The following TRHDE variants were observed in gnomAD, a reference collection of about 807,000 sequenced individuals.
TRHDE encodes the protein thyrotropin-releasing hormone-degrading ectoenzyme.
TRHDE carries 72 observed loss-of-function variants against 125.7 expected under a neutral mutation model. The ratio of observed to expected loss-of-function variants is 0.57; its 90% CI spans 0.47 to 0.70. TRHDE has a LOEUF of 0.70. TRHDE is among the 30% of genes least tolerant of loss of function. The pLI is 0.00. For synonymous variants in TRHDE, 509 were observed against 509.1 expected (o/e 1.00, Z 0.00); for missense variants, 1,110 against 1,327.1 (o/e 0.84, Z 2.54).
chr12:72,329,431 C>T (rs190885413), intron 2 of TRHDE, among the ~76,000 whole-genome samples: 47 of 152,248 alleles, frequency 3.1e-4, no homozygotes, highest in African/African-American at 1.1e-3. Context: ...GAGATTTACT[C>T]TGATGATAGT....
At chr12:72,174,780 C>T (rs911510141) in intron 2 of TRHDE, among the ~76,000 whole-genome samples, 6 of 152,182 alleles carry the variant, frequency 3.9e-5, no homozygotes, top group African/African-American at 1.4e-4. Flanking sequence ...TGTTAGTTTG[C>T]CTTATTATTG....
At chr12:72,096,729 A>G (rs1471017100) in intron 1 of TRHDE, among the ~76,000 whole-genome samples, 1 of 152,228 alleles carries the variant, frequency 6.6e-6, no homozygotes, top group Non-Finnish European at 1.5e-5. Flanking sequence ...AGCTTAAGCC[A>G]AAATAGCATT....
chr12:72,161,768 G>A (rs1449061272), intron 2 of TRHDE, among the ~76,000 whole-genome samples: 4 of 152,168 alleles, frequency 2.6e-5, no homozygotes, highest in Non-Finnish European at 5.9e-5. Context: ...TTGGTGTGAT[G>A]TCAAATGAAA....
At position 72,445,635 on chromosome 12, in the gene TRHDE, T is replaced by A. The variant is rs1053395203; in HGVS notation, c.1316-24123T>A. Among the ~76,000 whole-genome samples, 4 of 151,734 alleles carry A rather than the reference T, an allele frequency of 2.6e-5. No individual in the cohort carries two copies. In the Admixed American group the frequency reaches 2.6e-4, roughly 10 times the overall value. On this transcript the variant is annotated intron_variant, in intron 3 of 18. Coordinates refer to ENST00000261180, the MANE Select transcript of TRHDE (RefSeq NM_013381.3). Reference sequence around the variant, plus strand: ...TCATCTTAAGCTTTTAAAGGAAGAGTTTTGAGAGGATTTCCACTGATTTAT... The same window carrying A: ...TCATCTTAAGCTTTTAAAGGAAGAGATTTGAGAGGATTTCCACTGATTTAT...
At chr12:72,652,787 T>C (rs1874556953) in intron 16 of TRHDE, among the ~76,000 whole-genome samples, 1 of 151,852 alleles carries the variant, frequency 6.6e-6, no homozygotes, top group Non-Finnish European at 1.5e-5. Context: ...AATTGTGATA[T>C]ATCCTTTCAC....
At chr12:72,422,182 G>T (rs202075387) in intron 3 of TRHDE, among the ~76,000 whole-genome samples, 2 of 151,968 alleles carry the variant, frequency 1.3e-5, no homozygotes, top group African/African-American at 2.4e-5. Flanking sequence ...GGGGTTTTAT[G>T]GTTCTTAGAA....
intron 2 of TRHDE, among the ~76,000 whole-genome samples, chr12:72,314,276 CTCTTT>C (rs10589672): frequency 0.25 from 37,271 of 149,036 alleles, 4,682 homozygotes; most frequent in East Asian, 0.34. Context: ...CTCTCTCTTT[CTCTTT>C]TCTTTTCTTT....
At chr12:72,091,066 G>A (rs1233953405) in intron 1 of TRHDE, among the ~76,000 whole-genome samples, 1 of 152,012 alleles carries the variant, frequency 6.6e-6, no homozygotes, top group Non-Finnish European at 1.5e-5. Flanking sequence ...CAGAGACAGG[G>A]TCTTACTATG....
intron 2 of TRHDE, among the ~76,000 whole-genome samples, chr12:72,212,365 T>C (rs953819905): frequency 4.6e-5 from 7 of 151,944 alleles, no homozygotes; most frequent in South Asian, 2.1e-4. Context: ...AAAAAAAAGA[T>C]AAATTGAACT....
intron 12 of TRHDE, among the ~76,000 whole-genome samples, chr12:72,618,530 A>C (rs1432452705): frequency 6.6e-6 from 1 of 152,160 alleles, no homozygotes; most frequent in East Asian, 1.9e-4. Flanking sequence ...ATACATGGAG[A>C]AACTGAAATT....
At chr12:72,575,461 C>T (rs1870946997) in intron 11 of TRHDE, 26 bp from the exon 12 acceptor site, 3 of 1,613,292 alleles carry the variant, frequency 1.9e-6, no homozygotes, top group Middle Eastern at 1.6e-4. Flanking sequence ...CTAAATTATC[C>T]TATTATTTTT....
intron 15 of TRHDE, among the ~76,000 whole-genome samples, chr12:72,629,473 T>A (rs1873389466): frequency 6.6e-6 from 1 of 151,772 alleles, no homozygotes; most frequent in South Asian, 2.1e-4. Context: ...TATCAAAAGA[T>A]ATATGCCTAT....
upstream of TRHDE, among the ~76,000 whole-genome samples, chr12:72,271,441 C>T (rs1271847878): frequency 6.6e-6 from 1 of 152,040 alleles, no homozygotes; most frequent in African/African-American, 2.4e-5. Flanking sequence ...GCTAAGGAGT[C>T]AGGAAGAGGG....
At chr12:72,158,808 C>T (rs1407572239) in intron 2 of TRHDE, among the ~76,000 whole-genome samples, 2 of 152,156 alleles carry the variant, frequency 1.3e-5, no homozygotes, top group Non-Finnish European at 2.9e-5. Flanking sequence ...TTTCTGACTT[C>T]ATGAACATCT....
intron 2 of TRHDE, among the ~76,000 whole-genome samples, chr12:72,123,671 G>T (rs905229139): frequency 4.0e-5 from 6 of 151,822 alleles, no homozygotes; most frequent in East Asian, 1.9e-4. Flanking sequence ...GTTTATTAAG[G>T]TATAATTTTA....
chr12:72,338,429 A>G (rs1279076174), intron 2 of TRHDE, among the ~76,000 whole-genome samples: 1 of 152,216 alleles, frequency 6.6e-6, no homozygotes, highest in Non-Finnish European at 1.5e-5. Context: ...GACCTTCAGA[A>G]CGTGGGATCA....
In TRHDE at chr12:72,299,746, C is replaced by G. The variant is rs568704809; in HGVS notation, c.1188+12792C>G. ...GTGTCCTCTTTGGGCTTAGCATCAT[C>G]TTAAATGATTTTGTTTTTATGGGAT... On this transcript the variant is annotated intron_variant, in intron 2 of 18. Transcript: ENST00000261180. Among the ~76,000 whole-genome samples the G allele has an allele frequency of 3.3e-5, 5 of 152,200 alleles. 1 individual carries two copies. The South Asian group carries it at 1.0e-3, about 32-fold the overall frequency.
Position 72,286,806 on chromosome 12 carries a change from C to T in TRHDE, c.1040C>T (p.Ser347Phe). 1 of 1,613,786 alleles carries T rather than the reference C, an allele frequency of 6.2e-7. No homozygotes were observed. The highest frequency in any genetic ancestry group is 8.5e-7 in the Non-Finnish European group (1 of 1,179,972). ...IKHQATYLSLSNMPVETSVFE... is the reference protein window; with the variant it reads ...IKHQATYLSLFNMPVETSVFE... Reference sequence around the variant, plus strand: ...CATCAAGCAACCTATTTATCTTTATCTAATATGCCAGTGGAAACTTCCGTG... The same window carrying T: ...CATCAAGCAACCTATTTATCTTTATTTAATATGCCAGTGGAAACTTCCGTG... The change falls in exon 2 of 19, where the codon TCT becomes TTT. Residue 347 changes from serine to phenylalanine, a missense_variant. Coordinates refer to ENST00000261180, the MANE Select transcript of TRHDE (RefSeq NM_013381.3).
chr12:72,417,187 A>T (rs73344407), intron 3 of TRHDE, among the ~76,000 whole-genome samples: 2 of 152,052 alleles, frequency 1.3e-5, no homozygotes, highest in Admixed American at 1.3e-4. Flanking sequence ...AGCATATAGA[A>T]ATTCTATTGC....
Sources: gnomAD v4.1 joint callset for allele counts (sites outside exome capture counted in the v4.1 genomes callset) on GRCh38, gnomAD v4.1.1 for gene constraint, MANE v1.5 for transcripts, NCBI Gene and HGNC (gene_info 2026-07-23, HGNC 2026-07-21) for gene names.